The following UBE4B variants were observed in gnomAD, a reference collection of about 807,000 sequenced individuals.
UBE4B encodes ubiquitin conjugation factor E4 B.
A neutral mutation model predicts 148.1 loss-of-function variants in UBE4B; 27 were observed. That is an observed-to-expected ratio of 0.18 (90% CI 0.13 to 0.25). UBE4B has a LOEUF of 0.25. UBE4B is among the 10% of genes least tolerant of loss of function. UBE4B has a pLI of 1.00. For synonymous variants in UBE4B, 596 were observed against 619.3 expected, an observed-to-expected ratio of 0.96 and a Z score of 0.56; for missense variants, 1,170 against 1,662.4, an observed-to-expected ratio of 0.70 and a Z score of 5.15.
At chr1:10,152,109 A>T (rs542217278) in intron 21 of UBE4B, among the ~76,000 whole-genome samples, 1 of 151,790 alleles carries the variant, frequency 6.6e-6, no homozygotes, top group South Asian at 2.1e-4. Context: ...ATAGAAAAAA[A>T]AATTAAATTA....
At chr1:10,122,312 C>G (rs1226139862) in intron 10 of UBE4B, among the ~76,000 whole-genome samples, 1 of 152,128 alleles carries the variant, frequency 6.6e-6, no homozygotes, top group African/African-American at 2.4e-5. Context: ...GCACTAGGTG[C>G]TTCGGGCAAT....
intron 1 of UBE4B, among the ~76,000 whole-genome samples, chr1:10,035,980 G>A (rs903582860): frequency 1.3e-5 from 2 of 151,406 alleles, no homozygotes; most frequent in Non-Finnish European, 2.9e-5. Context: ...TCCTGACCTC[G>A]TGATCCGCCC....
chr1:10,046,265 G>T (rs932915134), intron 1 of UBE4B, among the ~76,000 whole-genome samples: 1 of 152,180 alleles, frequency 6.6e-6, no homozygotes, highest in Non-Finnish European at 1.5e-5. Flanking sequence ...TCAGCTATAC[G>T]TTCTCTCACA....
At chr1:10,152,402 A>G (rs986839811) in intron 21 of UBE4B, among the ~76,000 whole-genome samples, 1 of 152,070 alleles carries the variant, frequency 6.6e-6, no homozygotes, top group Non-Finnish European at 1.5e-5. Context: ...AATCTACCCT[A>G]TAGCCAGTGT....
rs770338844 is a variant in UBE4B, at chr1:10,149,228, C to T, written c.2636C>T (p.Ala879Val). 1.2e-5 allele frequency: 20 copies of T among 1,610,664 alleles called. No homozygotes were observed. In the South Asian group the frequency reaches 1.4e-4, roughly 12 times the overall value. The change falls in exon 20 of 28, where the codon GCG becomes GTG. Residue 879 changes from alanine (A) to valine (V), a missense_variant. Ala to Val is a moderately conservative substitution (Grantham distance 64, BLOSUM62 0). Coordinates refer to ENST00000343090, the MANE Select transcript of UBE4B (RefSeq NM_001105562.3). ...LNSDVPKVFA[A>V]LPEFYVEDVA... is the part of the protein sequence containing the mutation. ...TCAGATGTCCCCAAGGTATTTGCAGCGTTGCCTGAGTTTTATGTAGAAGAT... is the reference window on the plus strand; with the variant it reads ...TCAGATGTCCCCAAGGTATTTGCAGTGTTGCCTGAGTTTTATGTAGAAGAT...
At chr1:10,074,764 T>C (rs1207187958) in intron 2 of UBE4B, among the ~76,000 whole-genome samples, 1 of 152,228 alleles carries the variant, frequency 6.6e-6, no homozygotes, top group African/African-American at 2.4e-5. Flanking sequence ...GACTTCTAAA[T>C]GTTAGGATTC....
Position 10,126,834 on chromosome 1 carries a change from A to G in UBE4B, c.1595A>G (p.Lys532Arg), listed in dbSNP as rs143784553. 1 of 1,614,156 alleles carries G rather than the reference A, an allele frequency of 6.2e-7. No individual in the cohort carries two copies. ...PILQGLALAA[K>R]ECSLDSDYFK... is the part of the protein sequence containing the mutation. ...TTACAAGGCCTGGCTCTTGCTGCCA[A>G]AGAGTGCTCCCTCGACAGTGACTAC... The change falls in exon 11 of 28, where the codon AAA becomes AGA. Residue 532 changes from lysine (K) to arginine (R), a missense_variant. By Grantham distance (26) the Lys-to-Arg change is conservative. Coordinates refer to ENST00000343090, the MANE Select transcript of UBE4B (RefSeq NM_001105562.3).
At chr1:10,158,854 C>A (rs997510987) in intron 22 of UBE4B, among the ~76,000 whole-genome samples, 1 of 152,056 alleles carries the variant, frequency 6.6e-6, no homozygotes, top group East Asian at 1.9e-4. Flanking sequence ...ATTAAAAATA[C>A]AAAACATTAA....
intron 21 of UBE4B, among the ~76,000 whole-genome samples, chr1:10,157,451 C>G (rs1050897417): frequency 2.0e-5 from 3 of 151,894 alleles, no homozygotes; most frequent in Admixed American, 1.3e-4. Context: ...GCACTTTACC[C>G]TGGGTGACAG....
intron 21 of UBE4B, among the ~76,000 whole-genome samples, chr1:10,156,693 A>C: frequency 6.6e-6 from 1 of 152,126 alleles, no homozygotes; most frequent in East Asian, 1.9e-4. Context: ...TCCACACTTT[A>C]GCTCATGCTT....
At chr1:10,165,947 G>A (rs1208749813) in intron 23 of UBE4B, among the ~76,000 whole-genome samples, 3 of 152,202 alleles carry the variant, frequency 2.0e-5, no homozygotes, top group Admixed American at 2.0e-4. Context: ...CCCAAAGGCT[G>A]TAGAAGGGCC....
chr1:10,054,944 C>G (rs1644133943), intron 1 of UBE4B, among the ~76,000 whole-genome samples: 1 of 151,982 alleles, frequency 6.6e-6, no homozygotes, highest in Non-Finnish European at 1.5e-5. Flanking sequence ...CACCACCATG[C>G]CCAGCTAATT....
At chr1:10,159,684 CAAATAAAT>C (rs202002246) in intron 22 of UBE4B, among the ~76,000 whole-genome samples, 22 of 151,994 alleles carry the variant, frequency 1.4e-4, no homozygotes, top group African/African-American at 4.8e-4. Flanking sequence ...GACTCCGTCT[CAAATAAAT>C]AAATAAATAA....
At chr1:10,063,989 C>A (rs1356547856) in intron 1 of UBE4B, among the ~76,000 whole-genome samples, 1 of 151,826 alleles carries the variant, frequency 6.6e-6, no homozygotes, top group South Asian at 2.1e-4. Context: ...TTCTTGCCTT[C>A]ACGAACAAGT....
intron 16 of UBE4B, among the ~76,000 whole-genome samples, chr1:10,136,148 T>G (rs796396892): frequency 7.2e-5 from 11 of 152,290 alleles, no homozygotes; most frequent in African/African-American, 2.6e-4. Context: ...ATGGAGATTT[T>G]ATACAATACA....
At chr1:10,060,915 T>A (rs961414069) in intron 1 of UBE4B, among the ~76,000 whole-genome samples, 1 of 152,122 alleles carries the variant, frequency 6.6e-6, no homozygotes, top group Non-Finnish European at 1.5e-5. Flanking sequence ...AGCTAATTTT[T>A]AAAATTTTTT....
intron 1 of UBE4B, among the ~76,000 whole-genome samples, chr1:10,044,703 T>C (rs1011176455): frequency 6.6e-6 from 1 of 151,962 alleles, no homozygotes; most frequent in South Asian, 2.1e-4. Flanking sequence ...CACCTCAGCC[T>C]CCTGAGTACT....
intron 23 of UBE4B, chr1:10,166,149 C>T (rs557609533): frequency 8.5e-5 from 13 of 152,408 alleles, no homozygotes; most frequent in African/African-American, 2.9e-4. Flanking sequence ...AGCTTCAGCT[C>T]TGCCAGCTGT....
In UBE4B at chr1:10,151,467, T is replaced by A; in HGVS notation, c.2832T>A (p.Ala944=). 1.2e-6 allele frequency: 2 copies of A among 1,614,212 alleles called. No homozygotes were observed. The highest frequency in any genetic ancestry group is 1.7e-6 in the Non-Finnish European group (2 of 1,180,038). ...LVEVMFMTNP[A]VQPRTQKFFE... ...AAGTCATGTTTATGACCAACCCTGC[T>A]GTTCAGCCACGAACCCAGAAGTTTT... Residue 944 remains alanine (A), a synonymous_variant, in exon 21 of 28, where the codon GCT becomes GCA. Coordinates refer to ENST00000343090, the MANE Select transcript of UBE4B (RefSeq NM_001105562.3).
Sources: allele counts gnomAD v4.1 joint callset (sites outside exome capture counted in the v4.1 genomes callset), GRCh38; gene constraint gnomAD v4.1.1; transcripts MANE v1.5; gene names NCBI Gene and HGNC (gene_info 2026-07-23, HGNC 2026-07-21).